The following ARAP3 variants were observed in gnomAD, a reference collection of about 807,000 sequenced individuals.
ARAP3 encodes arf-GAP with Rho-GAP domain, ANK repeat and PH domain-containing protein 3.
ARAP3 carries 82 observed loss-of-function variants against 169.2 expected under a neutral mutation model. The ratio of observed to expected loss-of-function variants is 0.48; its 90% CI spans 0.41 to 0.58. The LOEUF (loss-of-function observed/expected upper bound fraction) is 0.58, where lower values mean the gene tolerates loss of function less well. ARAP3 is among the 20% of genes least tolerant of loss of function. The pLI is 0.00. For synonymous variants in ARAP3, 791 were observed against 800.3 expected (o/e 0.99, Z 0.20); for missense variants, 1,764 against 2,018.0 (o/e 0.87, Z 2.41).
In ARAP3 at chr5:141,665,059, C is replaced by T. The variant is rs149211277; in HGVS notation, c.2663G>A (p.Arg888Gln). 1.8e-4 allele frequency: 286 copies of T among 1,613,352 alleles called. No homozygotes were observed. The highest frequency in any genetic ancestry group is 3.3e-4 in the Middle Eastern group (2 of 6,032). ...TGCGTTCCATGCCGTGAAGTCCAGC[C>T]GGCCCTCTCCTTGCAGATACAGGGT... ...GRTLYLQGEG[R>Q]LDFTAWNAAI... Residue 888 changes from arginine (R) to glutamine (Q), a missense_variant, in exon 19 of 33, where the codon CGG becomes CAG. Physicochemically the swap from Arg to Gln is conservative, Grantham distance 43 (BLOSUM62 1). This residue lies in a region of ARAP3 where 1,112 missense variants were observed against 1,285.7 expected (regional missense o/e 0.86). Transcript: ENST00000239440.
At chr5:141,655,339 G>T (rs368395538) in intron 32 of ARAP3, 23 bp downstream of exon 32, 1 of 1,568,644 alleles carries the variant, frequency 6.4e-7, no homozygotes, top group Non-Finnish European at 8.6e-7. Flanking sequence ...CAGGCACACC[G>T]CTGGAGCAGG....
At chr5:141,655,324 G>C in intron 32 of ARAP3, 38 bp downstream of exon 32, 1 of 1,562,198 alleles carries the variant, frequency 6.4e-7, no homozygotes, top group Non-Finnish European at 8.7e-7. Context: ...GGAATACAGG[G>C]TTGACAGGCA....
At chr5:141,661,149 C>G (rs1206388400) in intron 21 of ARAP3, among the ~76,000 whole-genome samples, 1 of 151,400 alleles carries the variant, frequency 6.6e-6, no homozygotes, top group South Asian at 2.1e-4. Context: ...CTGCAACCTC[C>G]ACCTCCTGTG....
intron 4 of ARAP3, among the ~76,000 whole-genome samples, chr5:141,675,737 T>G (rs2099912092): frequency 6.6e-6 from 1 of 151,600 alleles, no homozygotes; most frequent in African/African-American, 2.4e-5. Flanking sequence ...AAAAAAAAAT[T>G]TCCCCAGCCT....
At chr5:141,679,379 C>G (rs2099912662) in intron 4 of ARAP3, among the ~76,000 whole-genome samples, 166 bp downstream of exon 4, 1 of 152,250 alleles carries the variant, frequency 6.6e-6, no homozygotes, top group Admixed American at 6.5e-5. Flanking sequence ...GTCTGTCCCA[C>G]TGAGTCACAA....
chr5:141,666,544 C>T lies in ARAP3; in HGVS notation c.2452G>A (p.Gly818Ser). 1.9e-6 allele frequency: 3 copies of T among 1,594,392 alleles called. No homozygotes were observed. Among genetic ancestry groups the T allele is most frequent in the Non-Finnish European group, 2.6e-6 (3 of 1,171,436 alleles). The change falls in exon 17 of 33, where the codon GGT becomes AGT. Residue 818 changes from glycine to serine, a missense_variant. Gly to Ser is a moderately conservative substitution (Grantham distance 56, BLOSUM62 0). Around this residue, in one of 3 missense-constraint regions of ARAP3, gnomAD observed 1,112 missense variants for 1,285.7 expected, o/e 0.86. Transcript: ENST00000239440. ...AGGCCAAACCCTGACAGCCAGAGAC[C>T]AGGGGCCGGGGCTGTATGGGAGGGG... ...RSPSHTAPAPGLWLSGFGLLR... is the reference protein window; with the variant it reads ...RSPSHTAPAPSLWLSGFGLLR...
At chr5:141,668,005 G>A (rs1365896389) in intron 16 of ARAP3, among the ~76,000 whole-genome samples, 5 of 151,812 alleles carry the variant, frequency 3.3e-5, no homozygotes, top group Non-Finnish European at 5.9e-5. Flanking sequence ...TCTCTTCACC[G>A]CACTGTAGCC....
chr5:141,672,313 A>G lies in ARAP3; in HGVS notation c.1386-12T>C. The stretch of plus-strand genomic sequence containing the variant: ...ACTCGGCTGTGAAGCTGAGGGGTGG[A>G]CAGCCAGTCCATGGGCATGGACCTA... On this transcript the variant is annotated splice_polypyrimidine_tract_variant and intron_variant, in intron 9 of 32. Coordinates refer to ENST00000239440, the MANE Select transcript of ARAP3 (RefSeq NM_022481.6). The surrounding 1 kb of genome is among the most constrained non-coding windows in gnomAD (Gnocchi z 4.9). 1 of 1,613,562 alleles carries G rather than the reference A, an allele frequency of 6.2e-7. No individual in the cohort carries two copies. The highest frequency in any genetic ancestry group is 2.2e-5 in the East Asian group (1 of 44,862).
Position 141,671,743 on chromosome 5 carries a change from C to A in ARAP3, c.1681G>T (p.Val561Phe). Residue 561 changes from valine to phenylalanine, a missense_variant, in exon 12 of 33, where the codon GTC becomes TTC. Transcript: ENST00000239440. The surrounding 1 kb of genome is among the most constrained non-coding windows in gnomAD (Gnocchi z 4.9). ...WSNEIVQLFI[V>F]LGNDRANRFW... ...CGGTTGGCACGATCATTTCCCAGGA[C>A]AATGAATAACTGTGGGATGACAAGG... 1 of 1,599,208 alleles carries A rather than the reference C, an allele frequency of 6.3e-7. No homozygotes were observed. Among genetic ancestry groups the A allele is most frequent in the South Asian group, 1.1e-5 (1 of 88,474 alleles).
intron 27 of ARAP3, 84 bp downstream of exon 27, chr5:141,656,420 G>C: frequency 6.3e-7 from 1 of 1,581,838 alleles, no homozygotes; most frequent in Non-Finnish European, 8.6e-7. Context: ...TGAGAGTATG[G>C]GCTGTGGAGT....
intron 27 of ARAP3, 30 bp downstream of exon 27, chr5:141,656,474 C>G: frequency 6.2e-7 from 1 of 1,604,636 alleles, no homozygotes; most frequent in African/African-American, 1.3e-5. Context: ...GGCCACCCAG[C>G]ATCCCACACC....
intron 31 of ARAP3, 56 bp downstream of exon 31, chr5:141,655,565 A>G (rs1388302128): frequency 6.2e-7 from 1 of 1,612,594 alleles, no homozygotes; most frequent in African/African-American, 1.3e-5. Flanking sequence ...TGCCTACTGC[A>G]ATGTGACAAG....
At chr5:141,680,609 A>G in intron 1 of ARAP3, 106 bp from the exon 2 acceptor site, 1 of 1,421,554 alleles carries the variant, frequency 7.0e-7, no homozygotes, top group Non-Finnish European at 9.2e-7. Flanking sequence ...TCTTCCTCCA[A>G]AGAAAGATGC....
intron 20 of ARAP3, 90 bp downstream of exon 20, chr5:141,661,953 G>A: frequency 1.3e-6 from 2 of 1,559,146 alleles, no homozygotes; most frequent in Non-Finnish European, 8.8e-7. Flanking sequence ...GGTGGGAAGT[G>A]ATGGGGCGGA....
intron 4 of ARAP3, among the ~76,000 whole-genome samples, chr5:141,679,242 T>C (rs6874541): frequency 0.039 from 5,877 of 152,228 alleles, 367 homozygotes; most frequent in African/African-American, 0.13. Context: ...TGAGCCGAGA[T>C]TGTGCCACTG....
At chr5:141,659,727 C>T in intron 22 of ARAP3, 52 bp downstream of exon 22, 2 of 1,580,888 alleles carry the variant, frequency 1.3e-6, no homozygotes, top group South Asian at 1.1e-5. Flanking sequence ...GTCTCTGGGT[C>T]CTGCAAGGGT....
intron 22 of ARAP3, 43 bp downstream of exon 22, chr5:141,659,736 G>A: frequency 5.0e-6 from 8 of 1,590,210 alleles, no homozygotes; most frequent in Non-Finnish European, 6.0e-6. Flanking sequence ...TCCTGCAAGG[G>A]TAGGGGAAAG....
At position 141,656,531 on chromosome 5, in the gene ARAP3, G is replaced by T; in HGVS notation, c.3762C>A (p.Arg1254=). Residue 1254 remains arginine, a synonymous_variant, in exon 27 of 33, where the codon CGC becomes CGA. Coordinates refer to ENST00000239440, the MANE Select transcript of ARAP3 (RefSeq NM_022481.6). ...TCTTCTCCTTGAGCAGCAGCAGGCA[G>T]CGGCCACGCAGCAGAAAGAACCTCT... is the stretch of plus-strand genomic sequence containing the variant. ...FQERFFLLRG[R]CLLLLKEKKS... 6.2e-7 allele frequency: 1 copy of T among 1,612,556 alleles called. No individual in the cohort carries two copies. Among genetic ancestry groups the T allele is most frequent in the Non-Finnish European group, 8.5e-7 (1 of 1,179,304 alleles).
In ARAP3 at chr5:141,653,870, G is replaced by T; in HGVS notation, c.*80C>A. ...GGATTCTGGAGTCTTTCCAGCCAGG[G>T]CAGAGGAAGCTGCAACAGTGCCACG... is the stretch of plus-strand genomic sequence containing the variant. On this transcript the variant is annotated 3_prime_UTR_variant, in exon 33 of 33. Transcript: ENST00000239440. 1 of 1,494,762 alleles carries T rather than the reference G, an allele frequency of 6.7e-7. No individual in the cohort carries two copies. Among genetic ancestry groups the T allele is most frequent in the Non-Finnish European group, 8.9e-7 (1 of 1,121,270 alleles). The allele number at this position is 1,494,762 out of a possible 1,614,324, so 92.6% of individuals were successfully genotyped here.
Sources: allele counts gnomAD v4.1 joint callset (sites outside exome capture counted in the v4.1 genomes callset), GRCh38; gene constraint gnomAD v4.1.1; regional missense constraint gnomAD v4.1.1; non-coding constraint Gnocchi (gnomAD v3.1); transcripts MANE v1.5; gene names NCBI Gene and HGNC (gene_info 2026-07-23, HGNC 2026-07-21).